Variants in DENND5B observed in about 807,000 individuals in gnomAD.
DENND5B encodes DENN domain-containing protein 5B.
DENND5B carries 34 observed loss-of-function variants against 140.6 expected under a neutral mutation model. That is an observed-to-expected ratio of 0.24 (90% CI 0.18 to 0.32). The LOEUF is 0.32. Among genes scored for constraint, DENND5B ranks in the 10% least tolerant of loss-of-function variants. The probability of loss-of-function intolerance (pLI) is 1.00; values close to 1 mark genes in which losing one functional copy is unlikely to be tolerated. For missense variants in DENND5B, 1,142 were observed against 1,560.2 expected (o/e 0.73, Z 4.52); for synonymous variants, 551 against 562.1 (o/e 0.98, Z 0.28).
intron 1 of DENND5B, among the ~76,000 whole-genome samples, chr12:31,518,961 C>T (rs1947781526): frequency 6.6e-6 from 1 of 152,124 alleles, no homozygotes; most frequent in East Asian, 1.9e-4. Flanking sequence ...TGAAAGCAGC[C>T]CTAGAGCAAG....
intron 8 of DENND5B, chr12:31,432,423 A>G (rs1322679118): frequency 4.6e-5 from 7 of 152,146 alleles, no homozygotes; most frequent in African/African-American, 1.7e-4. Context: ...TGATACTAGA[A>G]AACAGTTAAC....
At chr12:31,571,641 C>T (rs1445606713) in intron 1 of DENND5B, among the ~76,000 whole-genome samples, 4 of 151,388 alleles carry the variant, frequency 2.6e-5, no homozygotes, top group Middle Eastern at 3.4e-3. Flanking sequence ...TTTTTTGAGA[C>T]GGAGTTTCAC....
intron 1 of DENND5B, chr12:31,590,468 T>G: frequency 5.1e-6 from 2 of 394,206 alleles, no homozygotes; most frequent in East Asian, 5.0e-5. Context: ...CCCGCGCCTG[T>G]TATTAATAAC....
At chr12:31,499,667 C>T in intron 1 of DENND5B, 2 of 1,489,128 alleles carry the variant, frequency 1.3e-6, no homozygotes, top group Non-Finnish European at 1.8e-6. Flanking sequence ...GCCATTGGTA[C>T]AAAACTACAT....
Position 31,527,393 on chromosome 12 carries a change from C to T in DENND5B, c.128-31474G>A, listed in dbSNP as rs112089772. 8.5e-5 allele frequency among the ~76,000 whole-genome samples: 13 copies of T among 152,210 alleles called. No individual in the cohort carries two copies. In the East Asian group the frequency reaches 1.2e-3, roughly 14 times the overall value. On this transcript the variant is annotated intron_variant, in intron 1 of 20. Coordinates refer to ENST00000389082, the MANE Select transcript of DENND5B (RefSeq NM_144973.4). ...AGAGGAGAGAAAGCTCCAGAGGTTA[C>T]GGGCGGCCAGATCATATGAGGGATC... is the stretch of plus-strand genomic sequence containing the variant.
At chr12:31,580,765 G>T (rs2139473049) in intron 1 of DENND5B, among the ~76,000 whole-genome samples, 1 of 152,284 alleles carries the variant, frequency 6.6e-6, no homozygotes, top group East Asian at 1.9e-4. Flanking sequence ...AAAGTGCTGG[G>T]ATTATAGGGC....
At chr12:31,388,917 G>A (rs570871375) in intron 20 of DENND5B, among the ~76,000 whole-genome samples, 7 of 152,198 alleles carry the variant, frequency 4.6e-5, no homozygotes, top group East Asian at 1.9e-4. Context: ...TCTATCTGTC[G>A]AGCCAGTATA....
chr12:31,411,336 C>CTTTT (rs143130029), intron 13 of DENND5B, among the ~76,000 whole-genome samples: 6 of 62,122 alleles, frequency 9.7e-5, no homozygotes, highest in South Asian at 7.2e-4. Flanking sequence ...CACGCCCGGC[C>CTTTT]TTTTTTTTTT....
chr12:31,586,914 G>A (rs888985687), intron 1 of DENND5B, among the ~76,000 whole-genome samples: 14 of 152,150 alleles, frequency 9.2e-5, no homozygotes, highest in African/African-American at 3.4e-4. Context: ...ACTACCTTCT[G>A]GCTAATTTGC....
chr12:31,404,898 T>C (rs575575661), intron 14 of DENND5B, among the ~76,000 whole-genome samples: 27 of 151,758 alleles, frequency 1.8e-4, no homozygotes, highest in African/African-American at 6.5e-4. Context: ...TAGCTGGGAT[T>C]ACAACTGCAC....
chr12:31,574,553 GC>G (rs1949946078), intron 1 of DENND5B, among the ~76,000 whole-genome samples: 2 of 151,944 alleles, frequency 1.3e-5, no homozygotes, highest in African/African-American at 4.8e-5. Context: ...TTGCGTCACC[GC>G]ACTCCAGCCT....
At chr12:31,530,076 A>T (rs1244807190) in intron 1 of DENND5B, among the ~76,000 whole-genome samples, 1 of 152,052 alleles carries the variant, frequency 6.6e-6, no homozygotes, top group Non-Finnish European at 1.5e-5. Flanking sequence ...AGCAACATTT[A>T]AAAAAAATAC....
chr12:31,423,760 G>T, intron 10 of DENND5B, 85 bp from the exon 11 acceptor site: 2 of 1,400,090 alleles, frequency 1.4e-6, no homozygotes, highest in Non-Finnish European at 1.0e-6. Context: ...TATTCCAATA[G>T]CCATTTAGAA....
intron 7 of DENND5B, among the ~76,000 whole-genome samples, chr12:31,441,196 T>C (rs1482150806): frequency 6.6e-6 from 1 of 152,040 alleles, no homozygotes; most frequent in Non-Finnish European, 1.5e-5. Context: ...ATACAAAAAT[T>C]AGCTAGGTGT....
intron 5 of DENND5B, among the ~76,000 whole-genome samples, chr12:31,448,018 G>A (rs2138060835): frequency 6.6e-6 from 1 of 152,158 alleles, no homozygotes; most frequent in African/African-American, 2.4e-5. Flanking sequence ...TGACCATTAT[G>A]TAGCAAAGAG....
At chr12:31,426,936 C>T (rs1195948100) in intron 8 of DENND5B, among the ~76,000 whole-genome samples, 1 of 152,134 alleles carries the variant, frequency 6.6e-6, no homozygotes, top group Non-Finnish European at 1.5e-5. Flanking sequence ...CAGGAGCTTT[C>T]GAATCTGGTT....
intron 2 of DENND5B, among the ~76,000 whole-genome samples, chr12:31,491,282 G>C (rs1238966210): frequency 2.0e-5 from 3 of 152,020 alleles, no homozygotes; most frequent in Admixed American, 6.6e-5. Context: ...GGGAGACCCC[G>C]TCTCTACCAT....
At position 31,418,282 on chromosome 12, in the gene DENND5B, C is replaced by T. The variant is rs1019809615; in HGVS notation, c.2471-2834G>A. Among the ~76,000 whole-genome samples, 35 of 133,046 alleles carry T rather than the reference C, an allele frequency of 2.6e-4. 1 individual carries two copies. Among genetic ancestry groups the T allele is most frequent in the East Asian group, 4.3e-4 (2 of 4,608 alleles). The allele number at this position is 133,046 out of a possible 152,430, so 87.3% of individuals were successfully genotyped here. On this transcript the variant is annotated intron_variant, in intron 11 of 20. Transcript: ENST00000389082. ...AAGAAAGCATATCTTTTTTTCTTTTCTTTTTTTTTTTTTTTTGAGATAGGG... is the reference window on the plus strand; with the variant it reads ...AAGAAAGCATATCTTTTTTTCTTTTTTTTTTTTTTTTTTTTTGAGATAGGG...
chr12:31,409,467 AT>A, intron 13 of DENND5B, 83 bp from the exon 14 acceptor site: 1 of 751,616 alleles, frequency 1.3e-6, no homozygotes, highest in Non-Finnish European at 1.7e-6. Context: ...TGTACTTTTC[AT>A]TATGTCTTTT....
Sources: allele counts gnomAD v4.1 joint callset (sites outside exome capture counted in the v4.1 genomes callset), GRCh38; gene constraint gnomAD v4.1.1; transcripts MANE v1.5; gene names NCBI Gene and HGNC (gene_info 2026-07-23, HGNC 2026-07-21).